EMID1: variants seen among roughly 807,000 people sequenced by gnomAD.
EMID1 encodes the protein EMI domain containing 1.
Under a neutral mutation model 60.6 loss-of-function variants are expected in EMID1, and 40 were observed. That is an observed-to-expected ratio of 0.66 (90% CI 0.51 to 0.86). The LOEUF (loss-of-function observed/expected upper bound fraction) is 0.86, where lower values mean the gene tolerates loss of function less well. EMID1 is among the 40% of genes least tolerant of loss of function. EMID1 has a pLI of 0.00. For synonymous variants in EMID1, 242 were observed against 231.0 expected, an observed-to-expected ratio of 1.05 and a Z score of -0.43; for missense variants, 585 against 597.1, an observed-to-expected ratio of 0.98 and a Z score of 0.21.
intron 14 of EMID1, among the ~76,000 whole-genome samples, chr22:29,257,886 G>A (rs115675426): frequency 0.053 from 8,065 of 152,160 alleles, 332 homozygotes; most frequent in African/African-American, 0.11. Flanking sequence ...CCCCTCCCAC[G>A]CTCCCTAAGG....
At chr22:29,223,501 C>G (rs1385829311) in intron 3 of EMID1, among the ~76,000 whole-genome samples, 1 of 152,236 alleles carries the variant, frequency 6.6e-6, no homozygotes, top group African/African-American at 2.4e-5. Context: ...TCTTCTCAGG[C>G]ACCAGCGCTC....
Position 29,215,646 on chromosome 22 carries a change from C to T in EMID1, c.319+16C>T, listed in dbSNP as rs564837778. On this transcript the variant is annotated intron_variant, in intron 3 of 14. Coordinates refer to ENST00000334018, the MANE Select transcript of EMID1 (RefSeq NM_133455.4). The stretch of plus-strand genomic sequence containing the variant: ...TGCGAGGAAGGTAGGACTGCCCGGC[C>T]GGCTCCCGGAGCCCTGCGACAGCAG... 5 of 1,610,592 alleles carry T rather than the reference C, an allele frequency of 3.1e-6. No individual in the cohort carries two copies. The highest frequency in any genetic ancestry group is 2.2e-5 in the East Asian group (1 of 44,848).
At chr22:29,231,374 G>T (rs1200351311) in intron 6 of EMID1, 8 of 822,860 alleles carry the variant, frequency 9.7e-6, no homozygotes, top group Admixed American at 6.5e-5. Flanking sequence ...AGGTCGGGGG[G>T]AGCTGGGAGT....
intron 1 of EMID1, among the ~76,000 whole-genome samples, chr22:29,211,564 T>TTGTGTGTACATATGCC (rs1167808482): frequency 7.9e-5 from 12 of 152,270 alleles, no homozygotes; most frequent in African/African-American, 2.6e-4. Context: ...TGTCCATGCA[T>TTGTGTGTACATATGCC]TGTGTGTACA....
intron 13 of EMID1, among the ~76,000 whole-genome samples, chr22:29,252,506 G>T (rs1344920683): frequency 2.6e-5 from 4 of 152,228 alleles, no homozygotes; most frequent in African/African-American, 9.6e-5. Context: ...GGAATTGAGA[G>T]ATCTACATTC....
At chr22:29,235,103 T>C (rs4547624) in intron 12 of EMID1, among the ~76,000 whole-genome samples, 21,944 of 152,050 alleles carry the variant, frequency 0.14, 2,031 homozygotes, top group African/African-American at 0.26. Context: ...ATCCTAGCAC[T>C]TTGGGGGGCT....
At chr22:29,217,658 G>A (rs1157394054) in intron 3 of EMID1, among the ~76,000 whole-genome samples, 3 of 152,236 alleles carry the variant, frequency 2.0e-5, no homozygotes, top group Non-Finnish European at 4.4e-5. Context: ...GATGATAAGA[G>A]TCTGCCTCCC....
chr22:29,247,382 C>T (rs542878666), intron 13 of EMID1, among the ~76,000 whole-genome samples: 11 of 152,296 alleles, frequency 7.2e-5, no homozygotes, highest in African/African-American at 2.4e-4. Flanking sequence ...GGGGATATGT[C>T]CTGGAAAATA....
intron 3 of EMID1, among the ~76,000 whole-genome samples, chr22:29,223,521 A>G (rs1337880635): frequency 6.6e-6 from 1 of 152,226 alleles, no homozygotes; most frequent in Non-Finnish European, 1.5e-5. Context: ...CCTGCTGAAC[A>G]TTGAGCCTCC....
chr22:29,244,561 C>T (rs570956352), intron 13 of EMID1, among the ~76,000 whole-genome samples: 4 of 151,656 alleles, frequency 2.6e-5, no homozygotes, highest in Non-Finnish European at 5.9e-5. Context: ...ATCGCTTGAA[C>T]CCAGGAGGCA....
At chr22:29,225,727 T>G (rs1346347985) in intron 4 of EMID1, among the ~76,000 whole-genome samples, 1 of 152,176 alleles carries the variant, frequency 6.6e-6, no homozygotes, top group Non-Finnish European at 1.5e-5. Flanking sequence ...AGTTAGGCAC[T>G]CACCCCTTCC....
chr22:29,220,761 C>T (rs1444932346), intron 3 of EMID1, among the ~76,000 whole-genome samples: 1 of 152,146 alleles, frequency 6.6e-6, no homozygotes, highest in Non-Finnish European at 1.5e-5. Context: ...GGAAGCCTCT[C>T]CTCTCTGGAC....
At chr22:29,231,935 T>C (rs1053701678) in intron 7 of EMID1, 20 of 572,038 alleles carry the variant, frequency 3.5e-5, no homozygotes, top group Non-Finnish European at 4.6e-5. Context: ...GTCAGACATG[T>C]CCCTGCCCTT....
At chr22:29,225,345 T>TTCCCACCCCATGC in intron 4 of EMID1, 129 bp downstream of exon 4, 1 of 937,774 alleles carries the variant, frequency 1.1e-6, no homozygotes, top group East Asian at 2.7e-5. Context: ...AGTAACTATC[T>TTCCCACCCCATGC]TCCCACCCCA....
chr22:29,243,134 T>C (rs1029151209), intron 12 of EMID1, among the ~76,000 whole-genome samples: 1 of 112,362 alleles, frequency 8.9e-6, no homozygotes, highest in African/African-American at 3.2e-5. Flanking sequence ...ACTGAAACTT[T>C]CTGCTTGAGC....
chr22:29,247,549 A>C (rs55809359), intron 13 of EMID1, among the ~76,000 whole-genome samples: 25,180 of 152,312 alleles, frequency 0.17, 2,824 homozygotes, highest in Middle Eastern at 0.25. Context: ...TATTGCAGGC[A>C]ACTGCAACAC....
At chr22:29,227,471 G>A (rs532104836) in intron 5 of EMID1, among the ~76,000 whole-genome samples, 8 of 151,988 alleles carry the variant, frequency 5.3e-5, no homozygotes, top group Non-Finnish European at 1.0e-4. Flanking sequence ...TTAGGAGGCC[G>A]AGGCAGGTGG....
At chr22:29,232,600 G>C in intron 8 of EMID1, 198 bp downstream of exon 8, 1 of 609,716 alleles carries the variant, frequency 1.6e-6, no homozygotes. Context: ...AGGGAAGGTG[G>C]CTTGCCAGGG....
intron 13 of EMID1, among the ~76,000 whole-genome samples, chr22:29,246,799 C>T (rs923899457): frequency 6.6e-6 from 1 of 152,032 alleles, no homozygotes; most frequent in Non-Finnish European, 1.5e-5. Flanking sequence ...AACACTTTTC[C>T]CCATATTTTT....
Sources: allele counts gnomAD v4.1 joint callset (sites outside exome capture counted in the v4.1 genomes callset), GRCh38; gene constraint gnomAD v4.1.1; transcripts MANE v1.5; gene names NCBI Gene and HGNC (gene_info 2026-07-23, HGNC 2026-07-21).